SMAD3: variants seen among roughly 807,000 people sequenced by gnomAD.
The protein encoded by SMAD3 is MAD homolog 3.
Under a neutral mutation model 51.8 loss-of-function variants are expected in SMAD3, and 12 were observed. That is an observed-to-expected ratio of 0.23 (90% CI 0.15 to 0.38). The LOEUF is 0.38. Among genes scored for constraint, SMAD3 ranks in the 10% least tolerant of loss-of-function variants. The probability of loss-of-function intolerance (pLI) is 1.00; values close to 1 mark genes in which losing one functional copy is unlikely to be tolerated. For synonymous variants in SMAD3, 238 were observed against 227.7 expected, an observed-to-expected ratio of 1.05 and a Z score of -0.41; for missense variants, 294 against 565.6, an observed-to-expected ratio of 0.52 and a Z score of 4.87.
At chr15:67,095,473 C>T (rs1015915559) in intron 1 of SMAD3, among the ~76,000 whole-genome samples, 7 of 152,108 alleles carry the variant, frequency 4.6e-5, no homozygotes, top group African/African-American at 9.7e-5. Flanking sequence ...GGGCACGTGA[C>T]GAGTACAGTC....
At chr15:67,182,967 G>A (rs1331305276) in intron 6 of SMAD3, among the ~76,000 whole-genome samples, 1 of 104,900 alleles carries the variant, frequency 9.5e-6, no homozygotes, top group Non-Finnish European at 1.8e-5. Context: ...ACTGCAACTG[G>A]CTTTTTTCTA....
At chr15:67,125,817 A>G in intron 1 of SMAD3, 1 of 985,512 alleles carries the variant, frequency 1.0e-6, no homozygotes, top group Non-Finnish European at 1.2e-6. Context: ...CGCACTGACC[A>G]TAAGAGCAAC....
At chr15:67,088,652 G>A (rs112215760) in intron 1 of SMAD3, among the ~76,000 whole-genome samples, 2,414 of 152,278 alleles carry the variant, frequency 0.016, 29 homozygotes, top group Middle Eastern at 0.034. Context: ...TGCTAAGGCC[G>A]GGTGCGGTGG....
chr15:67,135,257 C>T (rs922837959), intron 1 of SMAD3, among the ~76,000 whole-genome samples: 1 of 152,166 alleles, frequency 6.6e-6, no homozygotes, highest in African/African-American at 2.4e-5. Flanking sequence ...GAAAGATAAG[C>T]TCCAGTGAGC....
intron 7 of SMAD3, among the ~76,000 whole-genome samples, chr15:67,185,372 A>C (rs1017618936): frequency 6.6e-6 from 1 of 152,174 alleles, no homozygotes; most frequent in Non-Finnish European, 1.5e-5. Flanking sequence ...GGAAGTCTTC[A>C]TGGAGGAGAA....
chr15:67,074,893 G>GT (rs1366472489), intron 1 of SMAD3, among the ~76,000 whole-genome samples: 3 of 152,064 alleles, frequency 2.0e-5, no homozygotes, highest in Admixed American at 6.5e-5. Flanking sequence ...TAGGACTCCA[G>GT]TATTAAGAAA....
At chr15:67,093,216 A>C (rs1960545466) in intron 1 of SMAD3, among the ~76,000 whole-genome samples, 1 of 151,876 alleles carries the variant, frequency 6.6e-6, no homozygotes, top group South Asian at 2.1e-4. Flanking sequence ...CATATCCTTA[A>C]CCTCTCTGAG....
chr15:67,123,957 C>T (rs1044942157), intron 1 of SMAD3, among the ~76,000 whole-genome samples: 9 of 152,030 alleles, frequency 5.9e-5, no homozygotes, highest in Non-Finnish European at 8.8e-5. Flanking sequence ...AGGTTGTTGT[C>T]GATTTTATTT....
At chr15:67,146,896 CAT>C (rs1409717664) in intron 1 of SMAD3, 4 of 152,226 alleles carry the variant, frequency 2.6e-5, no homozygotes, top group Admixed American at 2.6e-4. Context: ...TGGGGCCTGA[CAT>C]ATGAAGCTGC....
Position 67,190,753 on chromosome 15 carries a change from C to T in SMAD3, c.*217C>T, listed in dbSNP as rs1963340839. 5 of 601,982 alleles carry T rather than the reference C, an allele frequency of 8.3e-6. No homozygotes were observed. The highest frequency in any genetic ancestry group is 1.2e-5 in the Non-Finnish European group (4 of 337,600). 37.3% of individuals were successfully genotyped at this position (601,982 alleles called of 1,614,324 possible). A position where few individuals can be genotyped will look rare whatever the true frequency, so the allele number is the denominator to read the frequency against. ...TCTGCCAAACACATTTACCCTTTGG[C>T]CCCACTTTGAAGGGCAAGAAATGGC... On this transcript the variant is annotated 3_prime_UTR_variant, in exon 9 of 9. Coordinates refer to ENST00000327367, the MANE Select transcript of SMAD3 (RefSeq NM_005902.4).
chr15:67,097,913 A>G (rs1301961865), intron 1 of SMAD3, among the ~76,000 whole-genome samples: 1 of 152,152 alleles, frequency 6.6e-6, no homozygotes, highest in Non-Finnish European at 1.5e-5. Flanking sequence ...GTGCTCTAGA[A>G]GTTACTGGAA....
At chr15:67,138,092 G>A in intron 1 of SMAD3, 4 of 1,551,612 alleles carry the variant, frequency 2.6e-6, no homozygotes, top group Non-Finnish European at 3.5e-6. Context: ...AAGCATGGTG[G>A]ATGGGGAGGT....
intron 6 of SMAD3, among the ~76,000 whole-genome samples, chr15:67,183,011 ATATATATATATATATATATATTTT>A (rs1567000700): frequency 1.5e-5 from 1 of 68,928 alleles, no homozygotes; most frequent in African/African-American, 7.1e-5. Context: ...ATATATATAT[ATATATATATATATATATATATTTT>A]TTTTTTTTTT....
chr15:67,162,398 AT>A (rs1962453683), intron 1 of SMAD3, among the ~76,000 whole-genome samples: 1 of 152,166 alleles, frequency 6.6e-6, no homozygotes, highest in African/African-American at 2.4e-5. Context: ...CTGCCTCTTA[AT>A]AGGGTACCTG....
intron 1 of SMAD3, among the ~76,000 whole-genome samples, chr15:67,116,415 G>A (rs915096856): frequency 9.9e-5 from 15 of 152,272 alleles, no homozygotes; most frequent in Middle Eastern, 3.4e-3. Context: ...TGTGGCCTCC[G>A]GTAAGGAATC....
At chr15:67,071,479 T>G (rs1288318785) in intron 1 of SMAD3, among the ~76,000 whole-genome samples, 1 of 152,184 alleles carries the variant, frequency 6.6e-6, no homozygotes, top group African/African-American at 2.4e-5. Context: ...GGACTTTAGA[T>G]GTATCAGCTC....
intron 5 of SMAD3, among the ~76,000 whole-genome samples, chr15:67,175,518 C>T (rs967539948): frequency 9.2e-5 from 14 of 152,218 alleles, no homozygotes; most frequent in South Asian, 8.3e-4. Context: ...TCCCTACTGA[C>T]GCTTCCTCAG....
At chr15:67,122,087 A>G (rs920293) in intron 1 of SMAD3, among the ~76,000 whole-genome samples, 10,865 of 152,270 alleles carry the variant, frequency 0.071, 406 homozygotes, top group Non-Finnish European at 0.081. Context: ...ATCACCACCA[A>G]AAATTCTATT....
intron 1 of SMAD3, among the ~76,000 whole-genome samples, chr15:67,068,893 C>T (rs1045161423): frequency 3.3e-5 from 5 of 152,172 alleles, no homozygotes; most frequent in Non-Finnish European, 7.3e-5. Context: ...GTCAAATTGT[C>T]TGCTTTCACC....
Sources: gnomAD v4.1 joint callset for allele counts (sites outside exome capture counted in the v4.1 genomes callset) on GRCh38, gnomAD v4.1.1 for gene constraint, MANE v1.5 for transcripts, NCBI Gene and HGNC (gene_info 2026-07-23, HGNC 2026-07-21) for gene names.